Variants in P2RX7 observed in about 807,000 individuals in gnomAD.
The protein encoded by P2RX7 is P2X purinoceptor 7.
Under a neutral mutation model 71.6 loss-of-function variants are expected in P2RX7, and 62 were observed. The observed-to-expected ratio is 0.87, with a 90% CI of 0.71 to 1.07. The LOEUF (loss-of-function observed/expected upper bound fraction) is 1.07, where lower values mean the gene tolerates loss of function less well. Ranked by LOEUF, P2RX7 falls within the 50% of genes least tolerant of loss-of-function variation. The probability of loss-of-function intolerance (pLI) is 0.00; values close to 1 mark genes in which losing one functional copy is unlikely to be tolerated. For synonymous variants in P2RX7, 299 were observed against 283.3 expected (o/e 1.06, Z -0.56); for missense variants, 686 against 748.5 (o/e 0.92, Z 0.97).
Position 121,156,111 on chromosome 12 carries a change from CAA to C in P2RX7, c.330_331del (p.Lys110AsnfsTer22), listed in dbSNP as rs1296296927. ...NSFFVMTNFLKTEGQEQRLCP... is the reference protein window; with the variant it reads ...NSFFVMTNFLXTEGQEQRLCP... ...CTTTCTTCGTGATGACAAACTTTCT[CAA>C]AACAGAAGGCCAAGAGCAGCGGTTG... On this transcript the variant is annotated frameshift_variant, in exon 3 of 13. Transcript: ENST00000328963. LOFTEE classifies it high-confidence loss of function. 1.9e-6 allele frequency: 3 copies of C among 1,614,074 alleles called. No homozygotes were observed. The Admixed American group carries it at 5.0e-5, about 27-fold the overall frequency.
intron 12 of P2RX7, among the ~76,000 whole-genome samples, chr12:121,182,196 T>C (rs1186136933): frequency 6.6e-6 from 1 of 152,238 alleles, no homozygotes; most frequent in East Asian, 1.9e-4. Flanking sequence ...GTAAACTCAA[T>C]TTGAATGTGT....
At chr12:121,153,286 G>T (rs1031772552) in intron 1 of P2RX7, among the ~76,000 whole-genome samples, 1 of 152,210 alleles carries the variant, frequency 6.6e-6, no homozygotes, top group African/African-American at 2.4e-5. Flanking sequence ...CTCATAGAGG[G>T]CAGCCATCAT....
At chr12:121,179,068 G>A (rs535565799) in intron 11 of P2RX7, among the ~76,000 whole-genome samples, 2 of 152,114 alleles carry the variant, frequency 1.3e-5, no homozygotes, top group South Asian at 2.1e-4. Context: ...GGAGCTTAGG[G>A]TGGGGGAGTA....
At chr12:121,165,257 A>G in intron 5 of P2RX7, 100 bp from the exon 6 acceptor site, 1 of 873,186 alleles carries the variant, frequency 1.1e-6, no homozygotes, top group Non-Finnish European at 1.9e-6. Context: ...ATGTATCCCA[A>G]AGACCAAGCC....
Position 121,149,228 on chromosome 12 carries a change from G to A in P2RX7, c.126-5557G>A. 1 of 325,354 alleles carries A rather than the reference G, an allele frequency of 3.1e-6. No homozygotes were observed. The highest frequency in any genetic ancestry group is 4.0e-5 in the Admixed American group (1 of 24,750). 20.2% of individuals were successfully genotyped at this position (325,354 alleles called of 1,614,324 possible). On this transcript the variant is annotated intron_variant, in intron 1 of 12. Coordinates refer to ENST00000328963, the MANE Select transcript of P2RX7 (RefSeq NM_002562.6). This position sits in a 1 kb window ranked among gnomAD's most constrained non-coding sequence, Gnocchi z 4.7. ...TGGGTCCAGAGCAAGCAGCCTCAGGGTCCCATGGGCCCAACCTCACCCTCC... is the reference window on the plus strand; with the variant it reads ...TGGGTCCAGAGCAAGCAGCCTCAGGATCCCATGGGCCCAACCTCACCCTCC...
At chr12:121,141,126 A>G (rs1874754112) in intron 1 of P2RX7, among the ~76,000 whole-genome samples, 1 of 152,182 alleles carries the variant, frequency 6.6e-6, no homozygotes, top group African/African-American at 2.4e-5. Flanking sequence ...CAGGCAAGCA[A>G]TTAAAACACC....
In P2RX7 at chr12:121,184,850, C is replaced by G; in HGVS notation, c.*48C>G. On this transcript the variant is annotated 3_prime_UTR_variant, in exon 13 of 13. Transcript: ENST00000328963. ...CTGTAATCCCAGCGCTTTGGGAGGC[C>G]GAGGCAGGCAGATCACCTGAGGTCG... 1 of 1,424,370 alleles carries G rather than the reference C, an allele frequency of 7.0e-7. No homozygotes were observed. Among genetic ancestry groups the G allele is most frequent in the Non-Finnish European group, 9.4e-7 (1 of 1,058,908 alleles). The allele number at this position is 1,424,370 out of a possible 1,614,324, so 88.2% of individuals were successfully genotyped here. A position where few individuals can be genotyped will look rare whatever the true frequency, so the allele number is the denominator to read the frequency against.
At position 121,161,820 on chromosome 12, in the gene P2RX7, T is replaced by A. The variant is rs370283478; in HGVS notation, c.437-604T>A. ...AAAAAAAAAAGGCACAGGGCAATTT[T>A]AAAAATACTGCAAATAGTAAAAAAA... On this transcript the variant is annotated intron_variant, in intron 4 of 12. Transcript: ENST00000328963. 6.6e-4 allele frequency among the ~76,000 whole-genome samples: 98 copies of A among 149,200 alleles called. 1 individual carries two copies. The East Asian group carries it at 0.017, about 26-fold the overall frequency.
rs1332009537 is a variant in P2RX7, at chr12:121,163,583, AG to A, written c.533+1064del. On this transcript the variant is annotated intron_variant, in intron 5 of 12. Transcript: ENST00000328963. ...ATAGATAGATAGATAAATAGATAAT[AG>A]ATAGATAGACAGGTAGATAGATAGA... 5.1e-3 allele frequency among the ~76,000 whole-genome samples: 425 copies of A among 83,264 alleles called. 2 individuals carry two copies. The highest frequency in any genetic ancestry group is 0.018 in the African/African-American group (399 of 22,566). The allele number at this position is 83,264 out of a possible 152,430, so 54.6% of individuals were successfully genotyped here.
chr12:121,177,237 T>G lies in P2RX7; in HGVS notation c.1038+25T>G, dbSNP rs200995307. The G allele has an allele frequency of 9.3e-6, 15 of 1,614,092 alleles. No individual in the cohort carries two copies. In the Middle Eastern group the frequency reaches 5.0e-4, roughly 53 times the overall value. The stretch of plus-strand genomic sequence containing the variant: ...GGTAAGAGATTCTCTTTTCCATGCT[T>G]TAGGAAAATGGTTTGGAGAAGGAAG... On this transcript the variant is annotated intron_variant, in intron 10 of 12. Transcript: ENST00000328963.
At position 121,185,436 on chromosome 12, in the gene P2RX7, G is replaced by C. The variant is rs756415527; in HGVS notation, c.*634G>C. 1 of 152,686 alleles carries C rather than the reference G, an allele frequency of 6.5e-6. No individual in the cohort carries two copies. The highest frequency in any genetic ancestry group is 1.5e-5 in the Non-Finnish European group (1 of 68,100). 9.5% of individuals were successfully genotyped at this position (152,686 alleles called of 1,614,324 possible). On this transcript the variant is annotated 3_prime_UTR_variant, in exon 13 of 13. Coordinates refer to ENST00000328963, the MANE Select transcript of P2RX7 (RefSeq NM_002562.6). Reference sequence around the variant, plus strand: ...CAAATTGAGACAGTGCACATGAACTGTCTTTTAATGTGTAAAGATCTACAT... The same window carrying C: ...CAAATTGAGACAGTGCACATGAACTCTCTTTTAATGTGTAAAGATCTACAT...
chr12:121,165,378 C>G lies in P2RX7; in HGVS notation c.555C>G (p.Ala185=). 1 of 1,614,000 alleles carries G rather than the reference C, an allele frequency of 6.2e-7. No individual in the cohort carries two copies. The change falls in exon 6 of 13, where the codon GCC becomes GCG. Residue 185 remains alanine, a synonymous_variant. Coordinates refer to ENST00000328963, the MANE Select transcript of P2RX7 (RefSeq NM_002562.6). ...EAPRPALLNS[A]ENFTVLIKNN... is the part of the protein sequence containing the mutation. ...CCAGGCCTGCTCTCTTGAACAGTGC[C>G]GAAAACTTCACTGTGCTCATCAAGA...
intron 1 of P2RX7, among the ~76,000 whole-genome samples, chr12:121,138,984 G>A (rs1178223935): frequency 6.6e-6 from 1 of 152,136 alleles, no homozygotes; most frequent in East Asian, 1.9e-4. Flanking sequence ...TCTGGTTACC[G>A]AGACTGGAGT....
chr12:121,176,576 C>A (rs1191695336), intron 9 of P2RX7, among the ~76,000 whole-genome samples: 2 of 151,970 alleles, frequency 1.3e-5, no homozygotes, highest in Non-Finnish European at 2.9e-5. Context: ...CATGGTGAAA[C>A]CCTGTCTCTA....
chr12:121,159,273 C>G (rs1375223365), intron 3 of P2RX7, among the ~76,000 whole-genome samples: 1 of 151,872 alleles, frequency 6.6e-6, no homozygotes, highest in African/African-American at 2.4e-5. Context: ...AAAAATTAGC[C>G]AGGCATGGTG....
intron 1 of P2RX7, among the ~76,000 whole-genome samples, chr12:121,135,790 G>A (rs1873404490): frequency 6.6e-6 from 1 of 151,216 alleles, no homozygotes; most frequent in Non-Finnish European, 1.5e-5. Context: ...GTCACTTGAG[G>A]TCAAGAGTTT....
intron 1 of P2RX7, among the ~76,000 whole-genome samples, chr12:121,138,699 C>T (rs1874217131): frequency 2.0e-5 from 3 of 152,228 alleles, no homozygotes; most frequent in Admixed American, 2.0e-4. Flanking sequence ...AAGTGTACCT[C>T]TCTAGTCCTG....
Position 121,162,468 on chromosome 12 carries a change from A to G in P2RX7, c.481A>G (p.Thr161Ala). 1 of 1,613,908 alleles carries G rather than the reference A, an allele frequency of 6.2e-7. No individual in the cohort carries two copies. The highest frequency in any genetic ancestry group is 8.5e-7 in the Non-Finnish European group (1 of 1,179,980). The part of the protein sequence containing the change: ...RCVVYEGNQK[T>A]CEVSAWCPIE... ...TGTAGTGTATGAAGGGAACCAGAAG[A>G]CCTGTGAAGTCTCTGCCTGGTGCCC... Residue 161 changes from threonine to alanine, a missense_variant, in exon 5 of 13, where the codon ACC (threonine) becomes GCC (alanine). By Grantham distance (58) the Thr-to-Ala change is moderately conservative. Transcript: ENST00000328963.
rs140924868 is a variant in P2RX7, at chr12:121,143,553, G to GA, written c.125+10470dup. Among the ~76,000 whole-genome samples the GA allele has an allele frequency of 3.4e-3, 480 of 141,090 alleles. 1 individual carries two copies. The highest frequency in any genetic ancestry group is 0.023 in the East Asian group (108 of 4,740). The allele number at this position is 141,090 out of a possible 152,430, so 92.6% of individuals were successfully genotyped here. A position where few individuals can be genotyped will look rare whatever the true frequency, so the allele number is the denominator to read the frequency against. On this transcript the variant is annotated intron_variant, in intron 1 of 12. Coordinates refer to ENST00000328963, the MANE Select transcript of P2RX7 (RefSeq NM_002562.6). ...TGGGCGACAGAGTGAGACCCTATCT[G>GA]AAAAAAAAAAAATCGGCCAGGCGCG...
Sources: gnomAD v4.1 joint callset for allele counts (sites outside exome capture counted in the v4.1 genomes callset) on GRCh38, gnomAD v4.1.1 for gene constraint, Gnocchi (gnomAD v3.1) non-coding constraint, MANE v1.5 for transcripts, NCBI Gene and HGNC (gene_info 2026-07-23, HGNC 2026-07-21) for gene names.